The following PLXNA4 variants were observed in gnomAD, a reference collection of about 807,000 sequenced individuals.
The protein encoded by PLXNA4 is plexin A4, also known as plexin-A4.
PLXNA4 carries 44 observed loss-of-function variants against 191.8 expected under a neutral mutation model. The ratio of observed to expected loss-of-function variants is 0.23; its 90% CI spans 0.18 to 0.29. PLXNA4 has a LOEUF of 0.29. PLXNA4 is among the 10% of genes least tolerant of loss of function. PLXNA4 has a pLI of 1.00. For synonymous variants in PLXNA4, 1,082 were observed against 1,009.5 expected, an observed-to-expected ratio of 1.07 and a Z score of -1.36; for missense variants, 1,800 against 2,488.8, an observed-to-expected ratio of 0.72 and a Z score of 5.89.
intron 8 of PLXNA4, among the ~76,000 whole-genome samples, chr7:132,224,173 C>T (rs559384480): frequency 6.6e-6 from 1 of 152,160 alleles, no homozygotes; most frequent in Admixed American, 6.5e-5. Flanking sequence ...CTCCTGACTC[C>T]TTAAAAGCCC....
intron 12 of PLXNA4, among the ~76,000 whole-genome samples, chr7:132,201,267 C>T (rs1797424074): frequency 6.6e-6 from 1 of 152,124 alleles, no homozygotes; most frequent in African/African-American, 2.4e-5. Flanking sequence ...TCCTGAACGG[C>T]AGGACGATCC....
At chr7:132,311,187 T>C (rs1170681668) in intron 3 of PLXNA4, among the ~76,000 whole-genome samples, 20 of 136,794 alleles carry the variant, frequency 1.5e-4, no homozygotes, top group South Asian at 4.7e-4. Flanking sequence ...TGTGTGTGTG[T>C]GTGTGTGCGC....
chr7:132,227,704 G>T, intron 6 of PLXNA4, 100 bp from the exon 7 acceptor site: 1 of 1,475,932 alleles, frequency 6.8e-7, no homozygotes. Context: ...AGAGATCACA[G>T]GGAAAGCAAA....
At chr7:132,433,305 C>T (rs1275002014) in intron 3 of PLXNA4, among the ~76,000 whole-genome samples, 2 of 152,164 alleles carry the variant, frequency 1.3e-5, no homozygotes, top group African/African-American at 2.4e-5. Flanking sequence ...CAAAGCAATA[C>T]CAAAAACATG....
intron 4 of PLXNA4, among the ~76,000 whole-genome samples, chr7:132,269,861 G>A (rs891173063): frequency 6.6e-6 from 1 of 152,116 alleles, no homozygotes; most frequent in African/African-American, 2.4e-5. Context: ...AAGGAATGAG[G>A]CAAATAGGGA....
chr7:132,497,450 T>TG (rs752644837), intron 2 of PLXNA4, among the ~76,000 whole-genome samples: 8 of 152,256 alleles, frequency 5.3e-5, no homozygotes, highest in Admixed American at 4.6e-4. Context: ...TAGAGGTAAG[T>TG]GGAGAGTGTC....
At chr7:132,353,987 C>T (rs536611514) in intron 3 of PLXNA4, among the ~76,000 whole-genome samples, 2 of 152,218 alleles carry the variant, frequency 1.3e-5, no homozygotes, top group Admixed American at 6.5e-5. Context: ...TTTTCTTCTC[C>T]CGTCCAACCC....
chr7:132,517,107 CA>C (rs1246139138), intron 1 of PLXNA4, among the ~76,000 whole-genome samples: 1 of 152,198 alleles, frequency 6.6e-6, no homozygotes, highest in East Asian at 1.9e-4. Flanking sequence ...CACTGTACAA[CA>C]GGTCATTTAA....
chr7:132,449,131 T>C (rs1305558749), intron 3 of PLXNA4, among the ~76,000 whole-genome samples: 2 of 152,208 alleles, frequency 1.3e-5, no homozygotes, highest in Non-Finnish European at 2.9e-5. Context: ...GCTAGACCAA[T>C]AGACACTGAT....
At chr7:132,383,536 T>C in intron 3 of PLXNA4, 3 of 975,120 alleles carry the variant, frequency 3.1e-6, no homozygotes, top group Non-Finnish European at 3.7e-6. Flanking sequence ...CATTGTATCA[T>C]GCTTTCTAAT....
At chr7:132,418,764 G>A (rs889036541) in intron 3 of PLXNA4, among the ~76,000 whole-genome samples, 1 of 152,156 alleles carries the variant, frequency 6.6e-6, no homozygotes, top group African/African-American at 2.4e-5. Context: ...GGGGGTGTGG[G>A]AAGAAGAACA....
intron 4 of PLXNA4, among the ~76,000 whole-genome samples, chr7:132,275,831 C>G: frequency 6.6e-6 from 1 of 152,170 alleles, no homozygotes; most frequent in East Asian, 1.9e-4. Context: ...CTTTCTTTTG[C>G]TCCCATTTTC....
chr7:132,151,286 AGGAG>A (rs1286293572), intron 25 of PLXNA4, among the ~76,000 whole-genome samples: 3 of 84,638 alleles, frequency 3.5e-5, no homozygotes, highest in Admixed American at 1.1e-4. Flanking sequence ...AAGGAGGAGG[AGGAG>A]GAAGAAGAAG....
intron 3 of PLXNA4, among the ~76,000 whole-genome samples, chr7:132,316,601 A>G (rs1801954615): frequency 6.6e-6 from 1 of 152,210 alleles, no homozygotes; most frequent in Non-Finnish European, 1.5e-5. Context: ...GTGTCCTCCC[A>G]GCAGTATTGT....
At chr7:132,611,611 T>C (rs1803047825) in intron 2 of PLXNA4, among the ~76,000 whole-genome samples, 1 of 152,184 alleles carries the variant, frequency 6.6e-6, no homozygotes, top group Non-Finnish European at 1.5e-5. Context: ...TGGGGCATGA[T>C]CCTGGAAGAT....
intron 1 of PLXNA4, among the ~76,000 whole-genome samples, chr7:132,521,125 T>G (rs1799161102): frequency 6.7e-6 from 1 of 150,256 alleles, no homozygotes; most frequent in Non-Finnish European, 1.5e-5. Context: ...CTGAAAATCT[T>G]GGCAGAAATC....
intron 1 of PLXNA4, among the ~76,000 whole-genome samples, chr7:132,557,067 G>A (rs1800833444): frequency 6.6e-6 from 1 of 152,194 alleles, no homozygotes; most frequent in Admixed American, 6.5e-5. Context: ...GGTGGGAGAA[G>A]CTTAGAGACC....
At chr7:132,474,675 G>T (rs73724025) in intron 3 of PLXNA4, among the ~76,000 whole-genome samples, 4,593 of 152,156 alleles carry the variant, frequency 0.03, 147 homozygotes, top group African/African-American at 0.08. Flanking sequence ...AATCCTATCA[G>T]AACTGGTTAG....
chr7:132,191,833 TACACAC>T (rs147734395), intron 14 of PLXNA4, among the ~76,000 whole-genome samples: 1 of 147,110 alleles, frequency 6.8e-6, no homozygotes, highest in Admixed American at 6.8e-5. Flanking sequence ...TATATATATA[TACACAC>T]ACACACACAC....
Sources: gnomAD v4.1 joint callset for allele counts (sites outside exome capture counted in the v4.1 genomes callset) on GRCh38, gnomAD v4.1.1 for gene constraint, MANE v1.5 for transcripts, NCBI Gene and HGNC (gene_info 2026-07-23, HGNC 2026-07-21) for gene names.